The following MCPH1 variants were observed in gnomAD, a reference collection of about 807,000 sequenced individuals.
MCPH1 encodes the protein microcephalin 1, also known as microcephalin.
Under a neutral mutation model 84.5 loss-of-function variants are expected in MCPH1, and 104 were observed. The observed-to-expected ratio is 1.23, with a 90% CI of 1.05 to 1.45. The LOEUF (loss-of-function observed/expected upper bound fraction) is 1.45. MCPH1 is among the 40% of genes most tolerant of loss of function. The pLI, the probability that MCPH1 is intolerant of heterozygous loss-of-function variation, is 0.00. For missense variants in MCPH1, 1,498 were observed against 1,005.7 expected, an observed-to-expected ratio of 1.49 and a Z score of -6.62; for synonymous variants, 514 against 366.8, an observed-to-expected ratio of 1.40 and a Z score of -4.58.
chr8:6,427,194 G>A (rs964004853), intron 3 of MCPH1, among the ~76,000 whole-genome samples: 2 of 152,162 alleles, frequency 1.3e-5, no homozygotes, highest in Non-Finnish European at 2.9e-5. Flanking sequence ...CCTACATAGG[G>A]CGTTTACTAT....
chr8:6,567,412 A>G (rs1428301518), intron 12 of MCPH1, among the ~76,000 whole-genome samples: 1 of 152,094 alleles, frequency 6.6e-6, no homozygotes, highest in Non-Finnish European at 1.5e-5. Flanking sequence ...CACCGTGTGA[A>G]CAGGGGAGGA....
In MCPH1 at chr8:6,521,013, CAT is replaced by C. The variant is rs145430609; in HGVS notation, c.2214+21089_2214+21090del. Among the ~76,000 whole-genome samples, 1,480 of 152,248 alleles carry C rather than the reference CAT, an allele frequency of 9.7e-3. 20 individuals carry two copies. Among genetic ancestry groups the C allele is most frequent in the African/African-American group, 0.034 (1,410 of 41,564 alleles). On this transcript the variant is annotated intron_variant, in intron 12 of 13. Coordinates refer to ENST00000344683, the MANE Select transcript of MCPH1 (RefSeq NM_024596.5). ...GTTTGCTTCATAATAATTAGTATAA[CAT>C]ATATTTCCCCTTCTCTTCTTCCTTC...
chr8:6,634,546 A>G (rs755894390), intron 13 of MCPH1, among the ~76,000 whole-genome samples: 1 of 152,206 alleles, frequency 6.6e-6, no homozygotes, highest in East Asian at 1.9e-4. Flanking sequence ...ACCTGCTCTC[A>G]TGGGCAAAAG....
rs182071740 is a variant in MCPH1, at chr8:6,579,907, C to T, written c.2215-41547C>T. Among the ~76,000 whole-genome samples the T allele has an allele frequency of 3.0e-3, 459 of 152,216 alleles. 5 individuals carry two copies. Among genetic ancestry groups the T allele is most frequent in the African/African-American group, 9.4e-3 (389 of 41,538 alleles). On this transcript the variant is annotated intron_variant, in intron 12 of 13. Transcript: ENST00000344683. ...CACTGCCCACACAGAACTGGCCTGG[C>T]GAGGTGTTACTTTGACCACCATTGC...
intron 9 of MCPH1, among the ~76,000 whole-genome samples, chr8:6,462,514 G>T (rs527260770): frequency 6.4e-4 from 97 of 152,194 alleles, no homozygotes; most frequent in African/African-American, 2.2e-3. Flanking sequence ...ACTTATTTTT[G>T]AATATTCTTC....
rs760882845 is a variant in MCPH1, at chr8:6,496,517, GC to G, written c.2137-3328del. Reference sequence around the variant, plus strand: ...TATTGTTGACTTTCGCCACACGGAAGCCCCCCCGCCCCCCTTCCCCCGCCTT... The same window carrying G: ...TATTGTTGACTTTCGCCACACGGAAGCCCCCCGCCCCCCTTCCCCCGCCTT... On this transcript the variant is annotated intron_variant, in intron 11 of 13. Transcript: ENST00000344683. 1.6e-3 allele frequency among the ~76,000 whole-genome samples: 234 copies of G among 150,916 alleles called. 2 individuals carry two copies. Among genetic ancestry groups the G allele is most frequent in the African/African-American group, 5.4e-3 (219 of 40,872 alleles).
intron 7 of MCPH1, 49 bp downstream of exon 7, chr8:6,442,205 A>G (rs764943421): frequency 4.1e-5 from 49 of 1,206,056 alleles, no homozygotes; most frequent in Non-Finnish European, 5.2e-5. Context: ...TTTGAGAATA[A>G]TATGATTTTC....
chr8:6,518,762 T>C (rs1388961861), intron 12 of MCPH1, among the ~76,000 whole-genome samples: 2 of 152,204 alleles, frequency 1.3e-5, no homozygotes, highest in Admixed American at 1.3e-4. Flanking sequence ...GTAGCTGCTT[T>C]TACATTTATA....
intron 12 of MCPH1, among the ~76,000 whole-genome samples, chr8:6,528,592 G>C (rs1007979767): frequency 6.6e-6 from 1 of 152,220 alleles, no homozygotes; most frequent in Admixed American, 6.5e-5. Context: ...GCCTTGCCGT[G>C]CGGGCCTTTG....
chr8:6,568,182 C>T (rs759599021), intron 12 of MCPH1, among the ~76,000 whole-genome samples: 9 of 152,114 alleles, frequency 5.9e-5, no homozygotes, highest in South Asian at 4.1e-4. Flanking sequence ...GGCCCTAAGG[C>T]GCAAACAAGA....
At chr8:6,455,421 G>A (rs1458553825) in intron 9 of MCPH1, among the ~76,000 whole-genome samples, 169 bp downstream of exon 9, 1 of 152,194 alleles carries the variant, frequency 6.6e-6, no homozygotes, top group Non-Finnish European at 1.5e-5. Flanking sequence ...AGCGTTGTTT[G>A]CATTCCAGAC....
intron 13 of MCPH1, among the ~76,000 whole-genome samples, chr8:6,640,085 TGTGTGTGTGTGTGCGCGC>T (rs1341795687): frequency 1.7e-4 from 25 of 144,878 alleles, no homozygotes; most frequent in Non-Finnish European, 3.4e-4. Context: ...TGTGTGTGTG[TGTGTGTGTGTGTGCGCGC>T]GCGTGTGTGT....
intron 13 of MCPH1, among the ~76,000 whole-genome samples, chr8:6,639,664 TTAAAA>T (rs1487433815): frequency 6.7e-4 from 100 of 149,820 alleles, no homozygotes; most frequent in African/African-American, 2.4e-3. Context: ...TCCTGTCTCT[TTAAAA>T]AAAAAAAAAA....
At chr8:6,496,870 T>C (rs1221191011) in intron 11 of MCPH1, among the ~76,000 whole-genome samples, 1 of 152,148 alleles carries the variant, frequency 6.6e-6, no homozygotes, top group East Asian at 1.9e-4. Flanking sequence ...TCTTACAGAT[T>C]GCCTTCCCCA....
chr8:6,470,744 A>C (rs1407135851), intron 9 of MCPH1, among the ~76,000 whole-genome samples: 3 of 152,262 alleles, frequency 2.0e-5, no homozygotes, highest in Non-Finnish European at 2.9e-5. Flanking sequence ...ATGCCACAGG[A>C]ATCAGAGGCT....
chr8:6,595,829 C>A (rs941559226), intron 12 of MCPH1, among the ~76,000 whole-genome samples: 1 of 152,156 alleles, frequency 6.6e-6, no homozygotes, highest in Non-Finnish European at 1.5e-5. Context: ...GTAATAGAGT[C>A]AGATACAATT....
intron 12 of MCPH1, among the ~76,000 whole-genome samples, chr8:6,611,694 C>A (rs1290243568): frequency 6.6e-6 from 1 of 152,184 alleles, no homozygotes; most frequent in Admixed American, 6.5e-5. Flanking sequence ...TCTCAGCTCC[C>A]TGCAAGCTCC....
intron 9 of MCPH1, among the ~76,000 whole-genome samples, chr8:6,465,147 T>G (rs2129557836): frequency 6.6e-6 from 1 of 152,342 alleles, no homozygotes; most frequent in South Asian, 2.1e-4. Flanking sequence ...AGCTTAATGA[T>G]AGTAAACTGT....
intron 3 of MCPH1, among the ~76,000 whole-genome samples, chr8:6,420,253 C>G (rs1799975145): frequency 6.6e-6 from 1 of 152,084 alleles, no homozygotes; most frequent in African/African-American, 2.4e-5. Flanking sequence ...GTGCTGTGAG[C>G]TGTGTGGGTT....
Sources: allele counts gnomAD v4.1 joint callset (sites outside exome capture counted in the v4.1 genomes callset), GRCh38; gene constraint gnomAD v4.1.1; transcripts MANE v1.5; gene names NCBI Gene and HGNC (gene_info 2026-07-23, HGNC 2026-07-21).